The following PLXNC1 variants were observed in gnomAD, a reference collection of about 807,000 sequenced individuals.
PLXNC1 encodes the protein plexin-C1.
Under a neutral mutation model 178.2 loss-of-function variants are expected in PLXNC1, and 75 were observed. The ratio of observed to expected loss-of-function variants is 0.42; its 90% confidence interval spans 0.35 to 0.51. PLXNC1 has a LOEUF of 0.51. PLXNC1 is among the 20% of genes least tolerant of loss of function. The probability of loss-of-function intolerance (pLI) is 0.02; values close to 1 mark genes in which losing one functional copy is unlikely to be tolerated. For synonymous variants in PLXNC1, 790 were observed against 779.9 expected (o/e 1.01, Z -0.22); for missense variants, 1,503 against 1,984.4 (o/e 0.76, Z 4.61).
chr12:94,286,649 T>G (rs560303913), intron 23 of PLXNC1, among the ~76,000 whole-genome samples: 58 of 147,452 alleles, frequency 3.9e-4, no homozygotes, highest in African/African-American at 1.3e-3. Context: ...AAAATTCATT[T>G]AAAAATAGGG....
In PLXNC1 at chr12:94,220,176, T is replaced by C; in HGVS notation, c.1702+13T>C. 6.2e-7 allele frequency: 1 copy of C among 1,607,894 alleles called. No individual in the cohort carries two copies. Among genetic ancestry groups the C allele is most frequent in the Non-Finnish European group, 8.5e-7 (1 of 1,177,180 alleles). The stretch of plus-strand genomic sequence containing the variant: ...GCAACCTACAAAGGTATGTGGATTC[T>C]TCTGGGTTATTTTTGTTATAAAATC... On this transcript the variant is annotated intron_variant, in intron 6 of 30. Transcript: ENST00000258526.
intron 23 of PLXNC1, among the ~76,000 whole-genome samples, chr12:94,285,544 A>G (rs1375398658): frequency 6.6e-6 from 1 of 152,150 alleles, no homozygotes; most frequent in Non-Finnish European, 1.5e-5. Flanking sequence ...TCTTGCCAAG[A>G]GCAGTCGTTC....
At chr12:94,228,663 A>G (rs1468635169) in intron 9 of PLXNC1, among the ~76,000 whole-genome samples, 2 of 151,964 alleles carry the variant, frequency 1.3e-5, no homozygotes, top group Non-Finnish European at 2.9e-5. Context: ...GAATTTGTCT[A>G]TTTGTGCTGG....
intron 20 of PLXNC1, chr12:94,262,539 CG>C (rs1160327694): frequency 3.0e-6 from 3 of 985,334 alleles, no homozygotes; most frequent in Non-Finnish European, 2.4e-6. Context: ...GATTCAAGAG[CG>C]TCTCGAGCAC....
intron 5 of PLXNC1, among the ~76,000 whole-genome samples, chr12:94,219,801 ATTTT>A (rs1555200385): frequency 3.4e-5 from 3 of 88,312 alleles, no homozygotes; most frequent in Non-Finnish European, 5.0e-5. Context: ...ATTCTTTTAT[ATTTT>A]TATTTATTTA....
intron 28 of PLXNC1, among the ~76,000 whole-genome samples, chr12:94,301,602 T>C (rs1294558578): frequency 6.6e-6 from 1 of 152,170 alleles, no homozygotes; most frequent in African/African-American, 2.4e-5. Flanking sequence ...TCGAAAGAGA[T>C]GTTTTGGTCT....
chr12:94,282,110 A>G, intron 22 of PLXNC1, 188 bp from the exon 23 acceptor site: 1 of 522,256 alleles, frequency 1.9e-6, no homozygotes, highest in Non-Finnish European at 3.4e-6. Flanking sequence ...TTGAAACATC[A>G]GAGCCCTAAA....
At position 94,282,126 on chromosome 12, in the gene PLXNC1, A is replaced by G. The variant is rs918288376; in HGVS notation, c.3776-172A>G. On this transcript the variant is annotated intron_variant, in intron 22 of 30. Coordinates refer to ENST00000258526, the MANE Select transcript of PLXNC1 (RefSeq NM_005761.3). ...TGAAACATCAGAGCCCTAAACAAAC[A>G]AACAAAGTAAAACAGAACTCAGAAT... 69 of 526,648 alleles carry G rather than the reference A, an allele frequency of 1.3e-4. 1 individual carries two copies. The African/African-American group carries it at 1.4e-3, about 10-fold the overall frequency. 32.6% of individuals were successfully genotyped at this position (526,648 alleles called of 1,614,324 possible).
chr12:94,215,557 G>GATAC (rs1263306962), intron 5 of PLXNC1, among the ~76,000 whole-genome samples: 2 of 8,342 alleles, frequency 2.4e-4, no homozygotes, highest in African/African-American at 8.8e-4. Flanking sequence ...AAACATAGAT[G>GATAC]ATAGATAGAT....
chr12:94,208,809 A>T (rs2136000741), intron 4 of PLXNC1, among the ~76,000 whole-genome samples: 1 of 152,312 alleles, frequency 6.6e-6, no homozygotes, highest in Non-Finnish European at 1.5e-5. Flanking sequence ...AAGGGTTCCC[A>T]AGTTAGTGTG....
rs1201822235 is a variant in PLXNC1, at chr12:94,149,535, G to A, written c.564G>A (p.Pro188=). The A allele has an allele frequency of 7.1e-6, 11 of 1,542,584 alleles. No homozygotes were observed. The highest frequency in any genetic ancestry group is 1.7e-4 in the Middle Eastern group (1 of 5,848). ...AVAATYVLPE[P]ETASRCNPAA... is the part of the protein sequence containing the mutation. ...CCGCCACCTACGTGCTGCCTGAGCC[G>A]GAGACGGCGAGCCGCTGCAACCCCG... The change falls in exon 1 of 31, where the codon CCG becomes CCA. Residue 188 remains proline, a synonymous_variant. Coordinates refer to ENST00000258526, the MANE Select transcript of PLXNC1 (RefSeq NM_005761.3).
chr12:94,305,258 T>C lies in PLXNC1; in HGVS notation c.4680T>C (p.Asp1560=). ...KQLLHVKVLF[D]EKKKCKWM ...TCTTGCATGTAAAAGTCTTATTTGA[T>C]GAAAAGAAGAAATGCAAGTGGATGT... is the stretch of plus-strand genomic sequence containing the variant. Residue 1560 remains aspartate, a synonymous_variant, in exon 31 of 31, where the codon GAT becomes GAC. Transcript: ENST00000258526. 1 of 1,610,252 alleles carries C rather than the reference T, an allele frequency of 6.2e-7. No homozygotes were observed. The highest frequency in any genetic ancestry group is 1.3e-5 in the African/African-American group (1 of 74,890).
At chr12:94,182,881 A>ATCTATCTATCTG (rs1555196320) in intron 3 of PLXNC1, among the ~76,000 whole-genome samples, 2 of 145,822 alleles carry the variant, frequency 1.4e-5, no homozygotes, top group African/African-American at 5.1e-5. Flanking sequence ...CTATCTATCT[A>ATCTATCTATCTG]TCTATCTATC....
intron 9 of PLXNC1, among the ~76,000 whole-genome samples, chr12:94,228,447 A>C (rs531870228): frequency 1.3e-5 from 2 of 152,172 alleles, no homozygotes; most frequent in South Asian, 4.1e-4. Context: ...TACCATTTTT[A>C]TTGCTTTTAA....
At chr12:94,233,405 C>G (rs1386261188) in intron 9 of PLXNC1, among the ~76,000 whole-genome samples, 1 of 152,206 alleles carries the variant, frequency 6.6e-6, no homozygotes, top group Non-Finnish European at 1.5e-5. Flanking sequence ...TTTTGGTCAC[C>G]CAGTCCAGGT....
intron 5 of PLXNC1, 102 bp downstream of exon 5, chr12:94,209,806 T>C: frequency 1.4e-6 from 1 of 719,284 alleles, no homozygotes; most frequent in South Asian, 1.6e-5. Context: ...CAATCAAACA[T>C]GCTTAGTGAT....
intron 23 of PLXNC1, among the ~76,000 whole-genome samples, chr12:94,283,076 A>G (rs1390610295): frequency 6.6e-6 from 1 of 152,208 alleles, no homozygotes; most frequent in East Asian, 1.9e-4. Flanking sequence ...CCACTCTGAT[A>G]AGAGCTGGGG....
intron 5 of PLXNC1, among the ~76,000 whole-genome samples, chr12:94,219,786 C>T (rs921141679): frequency 1.4e-5 from 2 of 140,514 alleles, no homozygotes; most frequent in Non-Finnish European, 3.1e-5. Context: ...GCCAACAAAA[C>T]ATCTATTCTT....
At chr12:94,209,276 A>G (rs1283787286) in intron 4 of PLXNC1, among the ~76,000 whole-genome samples, 2 of 152,182 alleles carry the variant, frequency 1.3e-5, no homozygotes, top group African/African-American at 4.8e-5. Flanking sequence ...TTCAGAATCC[A>G]TGGGAGGATG....
Sources: gnomAD v4.1 joint callset for allele counts (sites outside exome capture counted in the v4.1 genomes callset) on GRCh38, gnomAD v4.1.1 for gene constraint, MANE v1.5 for transcripts, NCBI Gene and HGNC (gene_info 2026-07-23, HGNC 2026-07-21) for gene names.